SLC17A6: variants seen among roughly 807,000 people sequenced by gnomAD.
SLC17A6 encodes the protein solute carrier family 17 member 6.
Under a neutral mutation model 67.1 loss-of-function variants are expected in SLC17A6, and 35 were observed. The observed-to-expected ratio is 0.52, with a 90% CI of 0.40 to 0.69. The LOEUF is 0.69. Ranked by LOEUF, SLC17A6 falls within the 30% of genes least tolerant of loss-of-function variation. SLC17A6 has a pLI of 0.00. For missense variants in SLC17A6, 588 were observed against 723.9 expected (o/e 0.81, Z 2.15); for synonymous variants, 285 against 252.3 (o/e 1.13, Z -1.23).
intron 4 of SLC17A6, among the ~76,000 whole-genome samples, chr11:22,359,945 G>A (rs895761891): frequency 4.6e-5 from 7 of 152,076 alleles, no homozygotes; most frequent in African/African-American, 1.2e-4. Context: ...ATATTTCATC[G>A]AATGCATTTT....
chr11:22,362,174 A>G, intron 5 of SLC17A6: 1 of 361,686 alleles, frequency 2.8e-6, no homozygotes, highest in Middle Eastern at 9.5e-4. Context: ...TGGGACAGCA[A>G]AGAAAACAAA....
intron 1 of SLC17A6, among the ~76,000 whole-genome samples, chr11:22,340,723 A>G (rs539880135): frequency 6.1e-4 from 93 of 152,280 alleles, no homozygotes; most frequent in African/African-American, 2.1e-3. Flanking sequence ...GGTGTCGGCC[A>G]TATGCTGTGG....
chr11:22,355,213 C>T (rs1855982916), intron 3 of SLC17A6, among the ~76,000 whole-genome samples: 1 of 152,112 alleles, frequency 6.6e-6, no homozygotes, highest in Non-Finnish European at 1.5e-5. Flanking sequence ...AACTGTGAAC[C>T]CAGGCAGTCT....
intron 6 of SLC17A6, among the ~76,000 whole-genome samples, chr11:22,365,203 A>G (rs1215370033): frequency 6.6e-6 from 1 of 152,166 alleles, no homozygotes; most frequent in Non-Finnish European, 1.5e-5. Context: ...TGTTTTCTTC[A>G]TTATATTTCT....
chr11:22,362,274 A>T (rs1211500740), intron 5 of SLC17A6: 5 of 445,858 alleles, frequency 1.1e-5, no homozygotes, highest in Non-Finnish European at 2.2e-5. Flanking sequence ...TCAATCATGG[A>T]TACTAACAAA....
intron 3 of SLC17A6, among the ~76,000 whole-genome samples, chr11:22,352,552 C>T (rs1302245281): frequency 6.6e-6 from 1 of 152,196 alleles, no homozygotes; most frequent in East Asian, 1.9e-4. Flanking sequence ...ATTGGATGCT[C>T]ATTCCTGAGA....
chr11:22,373,826 T>A (rs1346044881), intron 8 of SLC17A6, among the ~76,000 whole-genome samples: 1 of 152,152 alleles, frequency 6.6e-6, no homozygotes, highest in Admixed American at 6.5e-5. Context: ...ACAACTCAAA[T>A]CCATGATTGT....
intron 7 of SLC17A6, among the ~76,000 whole-genome samples, chr11:22,367,476 A>G (rs1317645094): frequency 6.6e-6 from 1 of 152,116 alleles, no homozygotes; most frequent in Non-Finnish European, 1.5e-5. Context: ...ATAGACTAAT[A>G]ATTTCTTACG....
intron 3 of SLC17A6, among the ~76,000 whole-genome samples, chr11:22,348,155 C>G (rs756346965): frequency 7.2e-5 from 11 of 152,136 alleles, no homozygotes; most frequent in Non-Finnish European, 1.2e-4. Context: ...ACTCACTTGT[C>G]TGATGATACA....
At chr11:22,358,470 G>A (rs1307220281) in intron 3 of SLC17A6, among the ~76,000 whole-genome samples, 3 of 152,150 alleles carry the variant, frequency 2.0e-5, no homozygotes, top group Non-Finnish European at 4.4e-5. Context: ...TGGGATTACA[G>A]GCGCACACCA....
intron 3 of SLC17A6, among the ~76,000 whole-genome samples, chr11:22,353,938 T>G (rs1477340994): frequency 1.3e-5 from 2 of 152,198 alleles, no homozygotes; most frequent in African/African-American, 2.4e-5. Flanking sequence ...ACCTGGGAAC[T>G]GGTTAGAAAT....
At chr11:22,348,581 A>G (rs182075062) in intron 3 of SLC17A6, among the ~76,000 whole-genome samples, 1 of 152,214 alleles carries the variant, frequency 6.6e-6, no homozygotes, top group East Asian at 1.9e-4. Flanking sequence ...TTGGGCTCTT[A>G]GAACTAAAAT....
chr11:22,341,045 C>T (rs895995867), intron 1 of SLC17A6, among the ~76,000 whole-genome samples: 2 of 152,196 alleles, frequency 1.3e-5, no homozygotes, highest in African/African-American at 4.8e-5. Context: ...TAGTTGGGCC[C>T]GCCTGCAGCG....
chr11:22,346,551 T>C (rs1855877953), intron 3 of SLC17A6, among the ~76,000 whole-genome samples: 1 of 152,012 alleles, frequency 6.6e-6, no homozygotes, highest in Non-Finnish European at 1.5e-5. Flanking sequence ...GAGAATTTAG[T>C]CACCTCCAGG....
rs190007877 is a variant in SLC17A6, at chr11:22,355,710, A to G, written c.459-3703A>G. Among the ~76,000 whole-genome samples, 555 of 152,256 alleles carry G rather than the reference A, an allele frequency of 3.6e-3. 2 individuals carry two copies. Among genetic ancestry groups the G allele is most frequent in the East Asian group, 7.1e-3 (37 of 5,180 alleles). On this transcript the variant is annotated intron_variant, in intron 3 of 11. Transcript: ENST00000263160. ...CCTTCTCCTAAGAACCTGAGCCACT[A>G]TGTTCAGCCATTTTCAATACTTCCT...
At position 22,359,507 on chromosome 11, in the gene SLC17A6, A is replaced by G. The variant is rs1424328712; in HGVS notation, c.553A>G (p.Ile185Val). ...VHYGCVIFVRILQGLVEGVTY... is the reference protein window; with the variant it reads ...VHYGCVIFVRVLQGLVEGVTY... The stretch of plus-strand genomic sequence containing the variant: ...TTATGGATGTGTCATCTTTGTCAGA[A>G]TACTGCAGGGACTTGTTGAGGTATG... Residue 185 changes from isoleucine (I) to valine (V), a missense_variant, in exon 4 of 12, where the codon ATA becomes GTA. Ile to Val is a conservative substitution (Grantham distance 29). Around this residue, in one of 4 missense-constraint regions of SLC17A6, gnomAD observed 414 missense variants for 563.4 expected, o/e 0.73. Coordinates refer to ENST00000263160, the MANE Select transcript of SLC17A6 (RefSeq NM_020346.3). 3.1e-6 allele frequency: 5 copies of G among 1,602,000 alleles called. No homozygotes were observed. Among genetic ancestry groups the G allele is most frequent in the Admixed American group, 3.4e-5 (2 of 58,806 alleles).
At chr11:22,340,265 A>G (rs1442701460) in intron 1 of SLC17A6, among the ~76,000 whole-genome samples, 1 of 152,220 alleles carries the variant, frequency 6.6e-6, no homozygotes, top group Non-Finnish European at 1.5e-5. Context: ...TGTAAACGGA[A>G]AGGCTCTTTG....
chr11:22,378,621 C>G lies in SLC17A6; in HGVS notation c.*881C>G, dbSNP rs1158403821. ...AAGAAATTTATTATGGAGATATAGC[C>G]CTTAAAATGCAATATTAAGAACAAA... On this transcript the variant is annotated 3_prime_UTR_variant, in exon 12 of 12. Transcript: ENST00000263160. 2.0e-5 allele frequency: 3 copies of G among 151,852 alleles called. No individual in the cohort carries two copies. The highest frequency in any genetic ancestry group is 7.3e-5 in the African/African-American group (3 of 41,242). The allele number at this position is 151,852 out of a possible 1,614,324, so 9.4% of individuals were successfully genotyped here.
At chr11:22,358,075 T>A (rs866153165) in intron 3 of SLC17A6, among the ~76,000 whole-genome samples, 15 of 152,202 alleles carry the variant, frequency 9.9e-5, no homozygotes, top group Admixed American at 1.3e-4. Flanking sequence ...AGGGTCCTTT[T>A]CAGAAATCCA....
Sources: gnomAD v4.1 joint callset for allele counts (sites outside exome capture counted in the v4.1 genomes callset) on GRCh38, gnomAD v4.1.1 for gene constraint, gnomAD v4.1.1 regional missense constraint, MANE v1.5 for transcripts, NCBI Gene and HGNC (gene_info 2026-07-23, HGNC 2026-07-21) for gene names.